Variants in POPDC1 observed in about 807,000 individuals in gnomAD.
POPDC1 encodes the protein popeye domain cAMP effector 1, also known as popeye domain-containing protein 1.
chr6:105,105,656 G>A, the POPDC1 span, among the ~76,000 whole-genome samples: 2 of 152,100 alleles, frequency 1.3e-5, no homozygotes, highest in Non-Finnish European at 2.9e-5. Context: ...AGAAAAAGAG[G>A]GAATATTATA....
chr6:105,131,880 C>T, the POPDC1 span, among the ~76,000 whole-genome samples: 7 of 151,648 alleles, frequency 4.6e-5, no homozygotes, highest in African/African-American at 7.3e-5. Context: ...CTGCTGTAAT[C>T]CTCACCTTAC....
At chr6:105,109,922 T>G in the POPDC1 span, among the ~76,000 whole-genome samples, 1 of 152,040 alleles carries the variant, frequency 6.6e-6, no homozygotes, top group Non-Finnish European at 1.5e-5. Flanking sequence ...CTGTAAGGTT[T>G]TTTAACCATG....
the POPDC1 span, among the ~76,000 whole-genome samples, chr6:105,101,782 G>A: frequency 6.6e-6 from 1 of 152,088 alleles, no homozygotes; most frequent in Non-Finnish European, 1.5e-5. Context: ...TAGAGGAAAC[G>A]CAATCCCAGG....
the POPDC1 span, among the ~76,000 whole-genome samples, chr6:105,130,679 G>A: frequency 6.6e-6 from 1 of 152,090 alleles, no homozygotes; most frequent in Non-Finnish European, 1.5e-5. Flanking sequence ...CTACACTATA[G>A]GGTATAAACC....
chr6:105,109,935 A>C, the POPDC1 span, among the ~76,000 whole-genome samples: 5 of 151,678 alleles, frequency 3.3e-5, no homozygotes, highest in African/African-American at 1.2e-4. Flanking sequence ...TAACCATGTG[A>C]TATCTATGTA....
the POPDC1 span, among the ~76,000 whole-genome samples, chr6:105,135,948 G>T: frequency 6.6e-6 from 1 of 152,120 alleles, no homozygotes; most frequent in Non-Finnish European, 1.5e-5. Flanking sequence ...TAAATCAAGA[G>T]AAATTATTTT....
At chr6:105,121,414 C>A in the POPDC1 span, among the ~76,000 whole-genome samples, 3,390 of 151,952 alleles carry the variant, frequency 0.022, 125 homozygotes, top group African/African-American at 0.078. Flanking sequence ...ATTATAGGCA[C>A]CTGCCACCAT....
At chr6:105,126,194 C>A in the POPDC1 span, among the ~76,000 whole-genome samples, 1 of 149,398 alleles carries the variant, frequency 6.7e-6, no homozygotes, top group Non-Finnish European at 1.5e-5. Context: ...CCATTGCACT[C>A]TAGCTTGGGC....
At chr6:105,133,336 C>A in the POPDC1 span, 5 of 1,576,338 alleles carry the variant, frequency 3.2e-6, no homozygotes, top group South Asian at 5.6e-5. Context: ...CATAAAGTAT[C>A]AGTTAGGTAT....
the POPDC1 span, among the ~76,000 whole-genome samples, chr6:105,134,982 A>C: frequency 6.6e-6 from 1 of 152,226 alleles, no homozygotes. Flanking sequence ...TTTCAAGGCC[A>C]AACGAGAATG....
chr6:105,131,003 C>T, the POPDC1 span, among the ~76,000 whole-genome samples: 1 of 152,154 alleles, frequency 6.6e-6, no homozygotes, highest in Non-Finnish European at 1.5e-5. Flanking sequence ...GAGAATCTTC[C>T]TGTGTTTTCT....
chr6:105,117,347 A>C, the POPDC1 span, among the ~76,000 whole-genome samples: 2 of 150,478 alleles, frequency 1.3e-5, no homozygotes, highest in East Asian at 3.9e-4. Context: ...AGAAAACTTC[A>C]AGGGCCCTCG....
the POPDC1 span, chr6:105,098,499 A>G: frequency 6.6e-6 from 1 of 152,226 alleles, no homozygotes; most frequent in Admixed American, 6.5e-5. Flanking sequence ...TGTGCTTTTA[A>G]AACAGGTTTG....
chr6:105,116,098 C>G, the POPDC1 span, among the ~76,000 whole-genome samples: 1 of 152,032 alleles, frequency 6.6e-6, no homozygotes, highest in South Asian at 2.1e-4. Flanking sequence ...GATAAACAGT[C>G]CAGATAAGAT....
At chr6:105,098,576 A>AC in the POPDC1 span, 39 of 152,326 alleles carry the variant, frequency 2.6e-4, no homozygotes, top group Admixed American at 4.6e-4. Context: ...AGGATGTTAC[A>AC]TCTAATGACT....
chr6:105,127,763 CTCT>C, the POPDC1 span, among the ~76,000 whole-genome samples: 1 of 151,478 alleles, frequency 6.6e-6, no homozygotes, highest in Non-Finnish European at 1.5e-5. Flanking sequence ...TTCTTTTCCT[CTCT>C]TTTTTTTTTT....
chr6:105,132,405 T>C, the POPDC1 span, among the ~76,000 whole-genome samples: 3 of 152,212 alleles, frequency 2.0e-5, no homozygotes, highest in African/African-American at 2.4e-5. Flanking sequence ...CCAGGTCCCA[T>C]GTCACCTCCT....
the POPDC1 span, among the ~76,000 whole-genome samples, chr6:105,107,335 AGGTAAGATTCT>A: frequency 6.6e-6 from 1 of 152,206 alleles, no homozygotes; most frequent in Non-Finnish European, 1.5e-5. Flanking sequence ...AGAAAAAATG[AGGTAAGATTCT>A]GTCCCTATTA....
chr6:105,118,632 CAGTA>C, the POPDC1 span, among the ~76,000 whole-genome samples: 10 of 152,282 alleles, frequency 6.6e-5, no homozygotes, highest in African/African-American at 2.2e-4. Flanking sequence ...TTTCAGGTGG[CAGTA>C]AGTGTTTTGA....
Sources: gnomAD v4.1 joint callset for allele counts (sites outside exome capture counted in the v4.1 genomes callset) on GRCh38, gnomAD v4.1.1 for gene constraint, MANE v1.5 for transcripts, NCBI Gene and HGNC (gene_info 2026-07-23, HGNC 2026-07-21) for gene names.